KCNMA1: variants seen among roughly 807,000 people sequenced by gnomAD.
The protein encoded by KCNMA1 is potassium calcium-activated channel subfamily M alpha 1.
In KCNMA1, 29 loss-of-function variants were observed where a neutral mutation model predicts 140.0. The ratio of observed to expected loss-of-function variants is 0.21; its 90% CI spans 0.15 to 0.28. The LOEUF is 0.28. Among genes scored for constraint, KCNMA1 ranks in the 10% least tolerant of loss-of-function variants. The pLI, the probability that KCNMA1 is intolerant of heterozygous loss-of-function variation, is 1.00. For synonymous variants in KCNMA1, 612 were observed against 611.9 expected, an observed-to-expected ratio of 1.00 and a Z score of 0.00; for missense variants, 880 against 1,602.2, an observed-to-expected ratio of 0.55 and a Z score of 7.70.
chr10:77,060,091 T>C (rs72805514), intron 14 of KCNMA1, among the ~76,000 whole-genome samples: 9,043 of 152,140 alleles, frequency 0.059, 377 homozygotes, highest in Non-Finnish European at 0.091. Flanking sequence ...AGAGACCAAA[T>C]TGATGGACTG....
intron 1 of KCNMA1, among the ~76,000 whole-genome samples, chr10:77,439,618 C>T (rs1454735633): frequency 6.6e-6 from 1 of 152,210 alleles, no homozygotes; most frequent in Non-Finnish European, 1.5e-5. Flanking sequence ...AAGGCTAAGT[C>T]AACCCATGGG....
intron 1 of KCNMA1, among the ~76,000 whole-genome samples, chr10:77,601,999 A>C (rs952429521): frequency 6.6e-6 from 1 of 152,182 alleles, no homozygotes; most frequent in Non-Finnish European, 1.5e-5. Flanking sequence ...GCTCCTCATC[A>C]AAACTGCCCT....
chr10:77,121,074 G>A, intron 5 of KCNMA1, 26 bp from the exon 6 acceptor site: 1 of 1,353,010 alleles, frequency 7.4e-7, no homozygotes, highest in South Asian at 1.2e-5. Flanking sequence ...AAATAGAGAT[G>A]CATTATTTTC....
At chr10:77,313,237 AT>A (rs2154346340) in intron 2 of KCNMA1, among the ~76,000 whole-genome samples, 2 of 152,304 alleles carry the variant, frequency 1.3e-5, no homozygotes, top group South Asian at 4.1e-4. Context: ...AAGAAATCTG[AT>A]TAGCTCCCAG....
rs755007201 is a variant in KCNMA1 at position 76,887,504 on chromosome 10, G to T, written c.3473C>A (p.Thr1158Asn). The T allele has an allele frequency of 6.2e-7, 1 of 1,614,140 alleles. No individual in the cohort carries two copies. The highest frequency in any genetic ancestry group is 2.2e-5 in the East Asian group (1 of 44,854). The change falls in exon 28 of 28, where the codon ACC (threonine) becomes AAC (asparagine). Residue 1158 changes from threonine (T) to asparagine (N), a missense_variant. Thr to Asn is a moderately conservative substitution (Grantham distance 65). Around this residue, in one of 13 missense-constraint regions of KCNMA1, gnomAD observed 115 missense variants for 139.9 expected, o/e 0.82. Transcript: ENST00000286628. ...GAGCTCAAACTCATAGGGCGGGTTG[G>T]TGATGACATACCTGGACAGGGAAAG... ...PSQCTKRYVI[T>N]NPPYEFELVP...
At chr10:77,328,092 T>C (rs1214958126) in intron 2 of KCNMA1, among the ~76,000 whole-genome samples, 1 of 152,214 alleles carries the variant, frequency 6.6e-6, no homozygotes, top group African/African-American at 2.4e-5. Context: ...TTGCACATTT[T>C]AAATATCTGT....
intron 3 of KCNMA1, among the ~76,000 whole-genome samples, chr10:77,199,243 C>A (rs886343659): frequency 4.6e-5 from 7 of 152,216 alleles, no homozygotes; most frequent in Non-Finnish European, 1.5e-5. Context: ...ATTCATTCAA[C>A]AAATGTCTCT....
At chr10:77,094,948 A>ACCTTGG (rs1222271607) in intron 9 of KCNMA1, among the ~76,000 whole-genome samples, 2 of 152,044 alleles carry the variant, frequency 1.3e-5, no homozygotes, top group African/African-American at 2.4e-5. Context: ...TGATCTGCTC[A>ACCTTGG]CCTTGGCCCC....
At chr10:77,498,328 G>A (rs1603629900) in intron 1 of KCNMA1, among the ~76,000 whole-genome samples, 1 of 152,204 alleles carries the variant, frequency 6.6e-6, no homozygotes, top group African/African-American at 2.4e-5. Flanking sequence ...GCTCTGAGAA[G>A]CCCTGGGAAT....
At chr10:77,369,938 A>T (rs1266254768) in intron 2 of KCNMA1, among the ~76,000 whole-genome samples, 1 of 152,200 alleles carries the variant, frequency 6.6e-6, no homozygotes, top group African/African-American at 2.4e-5. Context: ...TAGGAGAAAA[A>T]TCCTCTTCTA....
chr10:77,318,067 G>T (rs2081340657), intron 2 of KCNMA1, among the ~76,000 whole-genome samples: 1 of 152,162 alleles, frequency 6.6e-6, no homozygotes, highest in Non-Finnish European at 1.5e-5. Flanking sequence ...CCCAGAAAGT[G>T]CTAAGTGTCT....
intron 2 of KCNMA1, among the ~76,000 whole-genome samples, chr10:77,327,251 C>G (rs571413221): frequency 5.3e-5 from 8 of 151,626 alleles, no homozygotes; most frequent in African/African-American, 1.7e-4. Flanking sequence ...ACCCGCCATC[C>G]CTGTCATCAA....
At chr10:77,130,740 C>T (rs752961984) in intron 5 of KCNMA1, among the ~76,000 whole-genome samples, 1 of 152,028 alleles carries the variant, frequency 6.6e-6, no homozygotes, top group Non-Finnish European at 1.5e-5. Flanking sequence ...CAACACAGAA[C>T]AGACGAACAC....
chr10:77,353,982 T>A (rs1053452892), intron 2 of KCNMA1, among the ~76,000 whole-genome samples: 1 of 15,974 alleles, frequency 6.3e-5, no homozygotes, highest in Non-Finnish European at 1.5e-4. Flanking sequence ...GGGGGGGGGG[T>A]GGTGGGGGTG....
At chr10:77,245,220 G>A (rs1028099387) in intron 3 of KCNMA1, among the ~76,000 whole-genome samples, 1 of 152,222 alleles carries the variant, frequency 6.6e-6, no homozygotes, top group Non-Finnish European at 1.5e-5. Context: ...TACCTAGAAA[G>A]GCTGTATTTC....
rs185954616 is a variant in KCNMA1 at position 76,879,702 on chromosome 10, C to T, written c.3428-1812G>A. ...GGTTAAAAAAGGTTGTATAGAAATCCGGGACTGTGTACACATCAAAATAAT... is the reference window on the plus strand; with the variant it reads ...GGTTAAAAAAGGTTGTATAGAAATCTGGGACTGTGTACACATCAAAATAAT... On this transcript the variant is annotated intron_variant, in intron 29 of 29. Coordinates refer to the KCNMA1 transcript ENST00000372403. Among the ~76,000 whole-genome samples, 34 of 152,098 alleles carry T rather than the reference C, an allele frequency of 2.2e-4. No individual in the cohort carries two copies. The East Asian group carries it at 5.2e-3, about 23-fold the overall frequency.
chr10:77,512,321 T>G (rs1276290181), intron 1 of KCNMA1, among the ~76,000 whole-genome samples: 4 of 152,240 alleles, frequency 2.6e-5, no homozygotes. Context: ...ATTTTTTCAG[T>G]TACCCACAGT....
intron 2 of KCNMA1, among the ~76,000 whole-genome samples, chr10:77,343,853 A>G (rs2154378657): frequency 6.6e-6 from 1 of 152,336 alleles, no homozygotes; most frequent in South Asian, 2.1e-4. Context: ...GAGGTTTTCA[A>G]TCACCTACCA....
chr10:77,236,451 G>C lies in KCNMA1; in HGVS notation c.602+14744C>G, dbSNP rs569568055. 4.3e-4 allele frequency among the ~76,000 whole-genome samples: 66 copies of C among 152,204 alleles called. No individual in the cohort carries two copies. In the South Asian group the frequency reaches 0.01, roughly 24 times the overall value. On this transcript the variant is annotated intron_variant, in intron 3 of 27. Coordinates refer to ENST00000286628, the MANE Select transcript of KCNMA1 (RefSeq NM_001161352.2). ...TGATGTCAGAGGGAGGATGGTCTTG[G>C]GGACTGCTCACCCCATGCCCCTCTT...
Sources: gnomAD v4.1 joint callset for allele counts (sites outside exome capture counted in the v4.1 genomes callset) on GRCh38, gnomAD v4.1.1 for gene constraint, gnomAD v4.1.1 regional missense constraint, MANE v1.5 for transcripts, NCBI Gene and HGNC (gene_info 2026-07-23, HGNC 2026-07-21) for gene names.